Variants in PTPN11 observed in about 807,000 individuals in gnomAD.
PTPN11 encodes tyrosine-protein phosphatase non-receptor type 11.
A neutral mutation model predicts 78.8 loss-of-function variants in PTPN11; 6 were observed. The observed-to-expected ratio is 0.08, with a 90% CI of 0.04 to 0.15. PTPN11 has a LOEUF of 0.15. PTPN11 is among the 10% of genes least tolerant of loss of function. The probability of loss-of-function intolerance (pLI) is 1.00; values close to 1 mark genes in which losing one functional copy is unlikely to be tolerated. For missense variants in PTPN11, 386 were observed against 744.8 expected (o/e 0.52, Z 5.61); for synonymous variants, 221 against 263.5 (o/e 0.84, Z 1.56).
chr12:112,431,950 G>C (rs1030029660), intron 1 of PTPN11, among the ~76,000 whole-genome samples: 2 of 151,894 alleles, frequency 1.3e-5, no homozygotes, highest in African/African-American at 4.8e-5. Flanking sequence ...AAAAACCAGA[G>C]ACAAATATTT....
At chr12:112,436,375 A>T (rs75098304) in intron 1 of PTPN11, among the ~76,000 whole-genome samples, 1 of 152,106 alleles carries the variant, frequency 6.6e-6, no homozygotes, top group African/African-American at 2.4e-5. Flanking sequence ...CTCATTTCCT[A>T]TGAGGTAAAC....
chr12:112,495,371 G>A (rs573019076), intron 13 of PTPN11, among the ~76,000 whole-genome samples: 41 of 152,260 alleles, frequency 2.7e-4, no homozygotes, highest in South Asian at 1.2e-3. Flanking sequence ...TACTCTTGAC[G>A]ATTTTTAAGA....
At chr12:112,503,810 G>A (rs1025985125) in intron 14 of PTPN11, among the ~76,000 whole-genome samples, 9 of 152,108 alleles carry the variant, frequency 5.9e-5, no homozygotes, top group African/African-American at 1.7e-4. Context: ...TGGTCCTGGA[G>A]CCCCTCTCAG....
At chr12:112,500,793 T>C (rs540033667) in intron 13 of PTPN11, among the ~76,000 whole-genome samples, 1 of 152,224 alleles carries the variant, frequency 6.6e-6, no homozygotes, top group South Asian at 2.1e-4. Flanking sequence ...GGTTTTGCCA[T>C]GTTGACCAGG....
At chr12:112,470,112 A>G (rs1417954134) in intron 6 of PTPN11, among the ~76,000 whole-genome samples, 2 of 152,068 alleles carry the variant, frequency 1.3e-5, no homozygotes, top group Non-Finnish European at 2.9e-5. Context: ...TGTAGAAGCC[A>G]GCTCTCACCA....
At chr12:112,444,554 G>C (rs914057780) in intron 1 of PTPN11, among the ~76,000 whole-genome samples, 2 of 152,010 alleles carry the variant, frequency 1.3e-5, no homozygotes, top group African/African-American at 4.8e-5. Flanking sequence ...TGGTCAGGCT[G>C]CTCCCGAACT....
chr12:112,469,287 G>T (rs1209226213), intron 6 of PTPN11, among the ~76,000 whole-genome samples: 1 of 151,946 alleles, frequency 6.6e-6, no homozygotes, highest in East Asian at 1.9e-4. Context: ...TATCTAGTCC[G>T]TAGATGAAGC....
intron 15 of PTPN11, among the ~76,000 whole-genome samples, chr12:112,505,334 T>G (rs2038920174): frequency 6.6e-6 from 1 of 152,192 alleles, no homozygotes; most frequent in African/African-American, 2.4e-5. Flanking sequence ...TTACGTTTTT[T>G]AAGTGTGACC....
At chr12:112,452,863 G>C (rs781486279) in intron 3 of PTPN11, among the ~76,000 whole-genome samples, 2 of 152,092 alleles carry the variant, frequency 1.3e-5, no homozygotes, top group Non-Finnish European at 1.5e-5. Context: ...TTAAACAGTT[G>C]GTCCTTTTAA....
chr12:112,481,553 C>G (rs1045873366), intron 9 of PTPN11, among the ~76,000 whole-genome samples: 1 of 151,994 alleles, frequency 6.6e-6, no homozygotes, highest in Admixed American at 6.6e-5. Flanking sequence ...AGTGCAGTGG[C>G]ATGATCTCAG....
chr12:112,505,264 A>G (rs560287504), intron 15 of PTPN11, among the ~76,000 whole-genome samples: 1 of 152,286 alleles, frequency 6.6e-6, no homozygotes, highest in East Asian at 1.9e-4. Flanking sequence ...TGGGTCACCG[A>G]CATCCCTTCC....
At chr12:112,474,140 G>A (rs1032265604) in intron 7 of PTPN11, among the ~76,000 whole-genome samples, 1 of 152,106 alleles carries the variant, frequency 6.6e-6, no homozygotes, top group Admixed American at 6.5e-5. Flanking sequence ...CCTGAGGTTA[G>A]GAGTTCGAGA....
intron 5 of PTPN11, 86 bp downstream of exon 5, chr12:112,454,766 C>T (rs1380677632): frequency 1.2e-6 from 1 of 859,832 alleles, no homozygotes; most frequent in East Asian, 2.7e-5. Context: ...CAGAGGTAGA[C>T]AGAATAGTAT....
At chr12:112,503,615 C>T (rs756309405) in intron 14 of PTPN11, among the ~76,000 whole-genome samples, 2 of 152,124 alleles carry the variant, frequency 1.3e-5, no homozygotes, top group Non-Finnish European at 2.9e-5. Context: ...TTGCTCTCTG[C>T]AATAATTTGC....
At chr12:112,462,978 C>A (rs185269310) in intron 6 of PTPN11, among the ~76,000 whole-genome samples, 1 of 152,078 alleles carries the variant, frequency 6.6e-6, no homozygotes. Context: ...TCATCTATAA[C>A]TTTTATTATA....
At chr12:112,502,559 C>T (rs1690398573) in intron 14 of PTPN11, among the ~76,000 whole-genome samples, 1 of 152,060 alleles carries the variant, frequency 6.6e-6, no homozygotes, top group African/African-American at 2.4e-5. Context: ...CCAGCCTGGC[C>T]AACATGGTGA....
intron 6 of PTPN11, among the ~76,000 whole-genome samples, chr12:112,465,249 T>C (rs1411770146): frequency 9.9e-5 from 15 of 151,954 alleles, no homozygotes. Flanking sequence ...CTGGCCAACA[T>C]GGTGAAACCC....
intron 6 of PTPN11, among the ~76,000 whole-genome samples, chr12:112,463,255 A>G (rs1485130027): frequency 1.4e-5 from 2 of 146,104 alleles, no homozygotes; most frequent in South Asian, 4.2e-4. Flanking sequence ...AAAAGAGAAG[A>G]AAAAAAAAAG....
At chr12:112,460,925 CT>C (rs1368395483) in intron 6 of PTPN11, among the ~76,000 whole-genome samples, 2 of 152,124 alleles carry the variant, frequency 1.3e-5, no homozygotes, top group Non-Finnish European at 2.9e-5. Flanking sequence ...TTCCTTCCCC[CT>C]CTCCCTGTCT....
Sources: allele counts gnomAD v4.1 joint callset (sites outside exome capture counted in the v4.1 genomes callset), GRCh38; gene constraint gnomAD v4.1.1; transcripts MANE v1.5; gene names NCBI Gene and HGNC (gene_info 2026-07-23, HGNC 2026-07-21).